ACOXL: variants seen among roughly 807,000 people sequenced by gnomAD.
The protein encoded by ACOXL is acyl-coenzyme A oxidase-like protein.
ACOXL carries 70 observed loss-of-function variants against 71.9 expected under a neutral mutation model. The observed-to-expected ratio is 0.97, with a 90% CI of 0.80 to 1.19. The LOEUF (loss-of-function observed/expected upper bound fraction) is 1.19, where lower values mean the gene tolerates loss of function less well. Among genes scored for constraint, ACOXL ranks in the 50% most tolerant of loss-of-function variants. ACOXL has a pLI of 0.00. For synonymous variants in ACOXL, 253 were observed against 281.6 expected, an observed-to-expected ratio of 0.90 and a Z score of 1.02; for missense variants, 703 against 736.3, an observed-to-expected ratio of 0.95 and a Z score of 0.52.
At chr2:110,793,394 G>A (rs1431310721) in intron 3 of ACOXL, among the ~76,000 whole-genome samples, 1 of 152,196 alleles carries the variant, frequency 6.6e-6, no homozygotes, top group Admixed American at 6.5e-5. Context: ...CATTTGTTGG[G>A]GGGATCTGGG....
At chr2:110,941,414 A>G (rs2060864003) in intron 12 of ACOXL, among the ~76,000 whole-genome samples, 1 of 152,330 alleles carries the variant, frequency 6.6e-6, no homozygotes, top group South Asian at 2.1e-4. Context: ...AGCTGCTGAC[A>G]TTCCCCTGTG....
At chr2:110,888,413 G>A (rs1345112984) in intron 10 of ACOXL, among the ~76,000 whole-genome samples, 1 of 152,136 alleles carries the variant, frequency 6.6e-6, no homozygotes, top group Non-Finnish European at 1.5e-5. Flanking sequence ...CCCAGCAGAG[G>A]CCCCACATGT....
chr2:111,003,991 C>T (rs572100722), intron 14 of ACOXL, among the ~76,000 whole-genome samples: 137 of 152,240 alleles, frequency 9.0e-4, no homozygotes, highest in Non-Finnish European at 1.6e-3. Context: ...ATTTTTGGCC[C>T]GGCTTTTTGC....
chr2:111,031,530 A>G, intron 14 of ACOXL, 97 bp from the exon 15 acceptor site: 1 of 1,058,250 alleles, frequency 9.4e-7, no homozygotes. Context: ...TGCTTAATGT[A>G]GTACTGAAAA....
intron 10 of ACOXL, among the ~76,000 whole-genome samples, chr2:110,907,059 A>G (rs2059478166): frequency 1.3e-5 from 2 of 152,266 alleles, no homozygotes; most frequent in Non-Finnish European, 1.5e-5. Flanking sequence ...ACAAAATGCC[A>G]TAGACTGGGC....
chr2:110,830,734 T>G (rs1176479815), intron 9 of ACOXL, among the ~76,000 whole-genome samples: 4 of 151,954 alleles, frequency 2.6e-5, no homozygotes, highest in Non-Finnish European at 5.9e-5. Context: ...AGGGTTTCAC[T>G]CTGTTAGCCA....
chr2:110,865,644 TCAGAGCC>T (rs1440890416), intron 10 of ACOXL, among the ~76,000 whole-genome samples: 1 of 152,216 alleles, frequency 6.6e-6, no homozygotes, highest in African/African-American at 2.4e-5. Context: ...ATTATAAACC[TCAGAGCC>T]CACCTTGTCC....
chr2:111,004,724 A>G (rs867635834), intron 14 of ACOXL, among the ~76,000 whole-genome samples: 1 of 152,356 alleles, frequency 6.6e-6, no homozygotes. Flanking sequence ...TAGGATGTCC[A>G]CCAATCAGGG....
At chr2:110,912,202 C>A (rs2059674897) in intron 11 of ACOXL, among the ~76,000 whole-genome samples, 1 of 151,992 alleles carries the variant, frequency 6.6e-6, no homozygotes, top group Admixed American at 6.6e-5. Context: ...CTAAATTAAT[C>A]TGTAGATATA....
chr2:110,926,230 T>C (rs2060265548), intron 11 of ACOXL, among the ~76,000 whole-genome samples: 2 of 152,220 alleles, frequency 1.3e-5, no homozygotes, highest in Non-Finnish European at 2.9e-5. Context: ...ACAAAGTGAA[T>C]ATGTGCTGCT....
chr2:110,887,156 T>C, intron 10 of ACOXL: 1 of 317,664 alleles, frequency 3.1e-6, no homozygotes, highest in Non-Finnish European at 5.9e-6. Flanking sequence ...TCCGTTACCA[T>C]GTTCTGAATT....
chr2:111,071,368 G>A (rs1234432139), intron 16 of ACOXL, among the ~76,000 whole-genome samples: 1 of 152,180 alleles, frequency 6.6e-6, no homozygotes, highest in African/African-American at 2.4e-5. Context: ...GAGCAGGGGA[G>A]CCACAGGGAT....
At chr2:110,785,392 G>GTA (rs1457311848) in intron 3 of ACOXL, among the ~76,000 whole-genome samples, 1 of 151,718 alleles carries the variant, frequency 6.6e-6, no homozygotes, top group Non-Finnish European at 1.5e-5. Flanking sequence ...GTGTGTGTGT[G>GTA]TGTGTGTGGT....
At chr2:111,008,202 C>G (rs2063967609) in intron 14 of ACOXL, among the ~76,000 whole-genome samples, 1 of 152,132 alleles carries the variant, frequency 6.6e-6, no homozygotes. Flanking sequence ...TAACTACTTG[C>G]ATTTTACTTT....
At chr2:110,762,473 T>A (rs1458584251) in intron 1 of ACOXL, among the ~76,000 whole-genome samples, 1 of 152,210 alleles carries the variant, frequency 6.6e-6, no homozygotes, top group Non-Finnish European at 1.5e-5. Context: ...ACCGTCTTGA[T>A]GTATTTATTG....
chr2:111,077,680 G>A (rs1031057384), intron 16 of ACOXL, among the ~76,000 whole-genome samples: 7 of 152,074 alleles, frequency 4.6e-5, no homozygotes, highest in Admixed American at 2.6e-4. Context: ...ATTTCTGAAC[G>A]ATCATTTACA....
chr2:110,941,087 G>A (rs1224840562), intron 12 of ACOXL, among the ~76,000 whole-genome samples: 1 of 152,160 alleles, frequency 6.6e-6, no homozygotes, highest in Non-Finnish European at 1.5e-5. Context: ...AACGATACTG[G>A]TTGGAATTTT....
In ACOXL at chr2:110,844,056, C is replaced by G. The variant is rs75616827; in HGVS notation, c.788+2651C>G. On this transcript the variant is annotated intron_variant, in intron 10 of 17. Coordinates refer to ENST00000439055, the MANE Select transcript of ACOXL (RefSeq NM_001142807.4). ...GGCTGCCTGCAGCAGCTGGTGTCATCTGTAGAGGAGTCTGAAGACTTTGGG... is the reference window on the plus strand; with the variant it reads ...GGCTGCCTGCAGCAGCTGGTGTCATGTGTAGAGGAGTCTGAAGACTTTGGG... 8.2e-3 allele frequency among the ~76,000 whole-genome samples: 1,247 copies of G among 152,296 alleles called. 15 individuals are homozygous for G. The highest frequency in any genetic ancestry group is 0.051 in the Middle Eastern group (15 of 294).
intron 12 of ACOXL, among the ~76,000 whole-genome samples, chr2:110,937,143 G>T (rs2060694233): frequency 6.6e-6 from 1 of 152,160 alleles, no homozygotes; most frequent in African/African-American, 2.4e-5. Context: ...TAGCTCCTCT[G>T]CCCTTCCTGG....
Sources: gnomAD v4.1 joint callset for allele counts (sites outside exome capture counted in the v4.1 genomes callset) on GRCh38, gnomAD v4.1.1 for gene constraint, MANE v1.5 for transcripts, NCBI Gene and HGNC (gene_info 2026-07-23, HGNC 2026-07-21) for gene names.